The following B4GALT1 variants were observed in gnomAD, a reference collection of about 807,000 sequenced individuals.
The protein encoded by B4GALT1 is beta-1,4-galactosyltransferase 1, also known as N-acetyllactosamine synthase.
A neutral mutation model predicts 34.9 loss-of-function variants in B4GALT1; 16 were observed. The ratio of observed to expected loss-of-function variants is 0.46; its 90% CI spans 0.31 to 0.70. B4GALT1 has a LOEUF of 0.70. B4GALT1 is among the 30% of genes least tolerant of loss of function. B4GALT1 has a pLI of 0.05. For missense variants in B4GALT1, 445 were observed against 530.5 expected, an observed-to-expected ratio of 0.84 and a Z score of 1.58; for synonymous variants, 221 against 218.1, an observed-to-expected ratio of 1.01 and a Z score of -0.12.
intron 2 of B4GALT1, among the ~76,000 whole-genome samples, chr9:33,128,577 C>G (rs1336252299): frequency 6.6e-6 from 1 of 152,138 alleles, no homozygotes; most frequent in Non-Finnish European, 1.5e-5. Context: ...CCTTCCCACT[C>G]CCATTCCCCA....
At chr9:33,116,799 A>G (rs1298143673) in intron 3 of B4GALT1, among the ~76,000 whole-genome samples, 1 of 141,388 alleles carries the variant, frequency 7.1e-6, no homozygotes, top group Non-Finnish European at 1.5e-5. Flanking sequence ...CTGGGATCAC[A>G]GGCAAGAGCC....
Position 33,166,863 on chromosome 9 carries a change from C to A in B4GALT1, c.307G>T (p.Val103Phe). The A allele has an allele frequency of 6.4e-7, 1 of 1,574,122 alleles. No homozygotes were observed. The highest frequency in any genetic ancestry group is 8.6e-7 in the Non-Finnish European group (1 of 1,167,134). ...GCGGGGCCAGGGCCAGAATCCACGA[C>A]TGGGCTGGAGTCGCCACCCGGGCGC... ...QPRPGGDSSP[V>F]VDSGPGPASN... Residue 103 changes from valine to phenylalanine, a missense_variant, in exon 1 of 6, where the codon GTC (valine) becomes TTC (phenylalanine). Val to Phe is a conservative substitution (Grantham distance 50, BLOSUM62 -1). Coordinates refer to ENST00000379731, the MANE Select transcript of B4GALT1 (RefSeq NM_001497.4).
chr9:33,173,591 G>GGTGTGTGTGTGTGTGTGTGTGT, the B4GALT1 span, among the ~76,000 whole-genome samples: 4 of 143,166 alleles, frequency 2.8e-5, no homozygotes, highest in East Asian at 2.1e-4. Context: ...AAATAAGAAT[G>GGTGTGTGTGTGTGTGTGTGTGT]GTGTGTGTGT....
chr9:33,133,331 C>T (rs1356507641), intron 2 of B4GALT1, among the ~76,000 whole-genome samples: 1 of 152,218 alleles, frequency 6.6e-6, no homozygotes, highest in Non-Finnish European at 1.5e-5. Flanking sequence ...ATCCACAGTA[C>T]ATCCCTCATC....
chr9:33,106,099 TTTC>T (rs929525863), downstream of B4GALT1, among the ~76,000 whole-genome samples: 1 of 152,196 alleles, frequency 6.6e-6, no homozygotes, highest in Non-Finnish European at 1.5e-5. Context: ...AGTATTCCAA[TTTC>T]TTCTTTTCTT....
chr9:33,117,772 T>C (rs1455864522), intron 3 of B4GALT1, among the ~76,000 whole-genome samples: 1 of 152,230 alleles, frequency 6.6e-6, no homozygotes, highest in African/African-American at 2.4e-5. Context: ...ATCACTTAGG[T>C]GCTGAGTCAT....
rs758206058 is a variant in B4GALT1, at chr9:33,113,595, A to G, written c.1065-9T>C. On this transcript the variant is annotated splice_polypyrimidine_tract_variant and intron_variant, in intron 5 of 5. Transcript: ENST00000379731. The stretch of plus-strand genomic sequence containing the variant: ...GTGCAATTCGGTCAAACCTACAAGG[A>G]AAAGAGCACAAGGAGATTGTCTTAA... 6.8e-6 allele frequency: 11 copies of G among 1,614,216 alleles called. No individual in the cohort carries two copies. In the Middle Eastern group the frequency reaches 6.6e-4, roughly 97 times the overall value.
intron 4 of B4GALT1, among the ~76,000 whole-genome samples, 155 bp from the exon 5 acceptor site, chr9:33,114,033 C>G (rs1839904843): frequency 6.6e-6 from 1 of 152,202 alleles, no homozygotes; most frequent in African/African-American, 2.4e-5. Flanking sequence ...CCAGCATGAC[C>G]CTGGTTAAAA....
At chr9:33,183,196 T>A in the B4GALT1 span, among the ~76,000 whole-genome samples, 2 of 152,214 alleles carry the variant, frequency 1.3e-5, no homozygotes, top group Admixed American at 1.3e-4. Flanking sequence ...CATCCTTTTT[T>A]CCAGCTTATC....
intron 1 of B4GALT1, among the ~76,000 whole-genome samples, chr9:33,141,986 T>TA (rs1394679139): frequency 1.3e-5 from 2 of 150,056 alleles, no homozygotes; most frequent in East Asian, 3.9e-4. Flanking sequence ...GATTTCTTTC[T>TA]TTTTTTTTTC....
At chr9:33,115,955 G>T in intron 4 of B4GALT1, 36 bp downstream of exon 4, 2 of 1,600,084 alleles carry the variant, frequency 1.2e-6, no homozygotes, top group South Asian at 1.1e-5. Context: ...AGTGAAGGTT[G>T]ACAGAGGAGA....
intron 1 of B4GALT1, among the ~76,000 whole-genome samples, chr9:33,148,453 T>C (rs1840460620): frequency 6.6e-6 from 1 of 152,208 alleles, no homozygotes; most frequent in Admixed American, 6.5e-5. Flanking sequence ...AACATAAACA[T>C]GCTCACACGT....
At chr9:33,114,582 G>C (rs116085182) in intron 4 of B4GALT1, among the ~76,000 whole-genome samples, 46 of 152,298 alleles carry the variant, frequency 3.0e-4, no homozygotes, top group African/African-American at 1.1e-3. Flanking sequence ...GAGGGCTTCA[G>C]AACATGTGGG....
chr9:33,105,880 G>GTTTTTT (rs35330697), downstream of B4GALT1, among the ~76,000 whole-genome samples: 581 of 85,698 alleles, frequency 6.8e-3, 13 homozygotes, highest in East Asian at 0.025. Flanking sequence ...GGACTCGTGG[G>GTTTTTT]TTTTTTTTTT....
intron 4 of B4GALT1, among the ~76,000 whole-genome samples, chr9:33,114,899 G>A (rs1397302196): frequency 6.6e-5 from 10 of 152,222 alleles, no homozygotes; most frequent in African/African-American, 2.2e-4. Flanking sequence ...AGATGCCTGC[G>A]GATGCTCCCT....
chr9:33,113,707 A>G, intron 5 of B4GALT1, 67 bp downstream of exon 5: 1 of 1,607,438 alleles, frequency 6.2e-7, no homozygotes, highest in Non-Finnish European at 8.5e-7. Context: ...CTCTAGGCCC[A>G]GAGCCTCGGA....
At chr9:33,126,577 G>C (rs1329793069) in intron 2 of B4GALT1, among the ~76,000 whole-genome samples, 1 of 28,788 alleles carries the variant, frequency 3.5e-5, no homozygotes, top group Non-Finnish European at 1.2e-4. Flanking sequence ...ACCACACCCA[G>C]CTGGGCTCTA....
chr9:33,120,540 A>G lies in B4GALT1; in HGVS notation c.715T>C (p.Tyr239His). Reference sequence around the variant, plus strand: ...CTAAACACAAAGCAGGTGTAGTCATAGTCCTTCAAGGCTTCTTGAAAGCCA... The same window carrying G: ...CTAAACACAAAGCAGGTGTAGTCATGGTCCTTCAAGGCTTCTTGAAAGCCA... ...NVGFQEALKD[Y>H]DYTCFVFSDV... The change falls in exon 3 of 6, where the codon TAT (tyrosine) becomes CAT (histidine). Residue 239 changes from tyrosine to histidine, a missense_variant. Physicochemically the swap from Tyr to His is moderately conservative, Grantham distance 83. Transcript: ENST00000379731. The G allele has an allele frequency of 1.2e-6, 2 of 1,614,208 alleles. No homozygotes were observed. The highest frequency in any genetic ancestry group is 1.1e-5 in the South Asian group (1 of 91,088).
At chr9:33,178,740 C>T in the B4GALT1 span, among the ~76,000 whole-genome samples, 3 of 152,234 alleles carry the variant, frequency 2.0e-5, no homozygotes, top group African/African-American at 2.4e-5. Flanking sequence ...GAAAGGCCAA[C>T]AGAAGCCTGG....
Sources: allele counts gnomAD v4.1 joint callset (sites outside exome capture counted in the v4.1 genomes callset), GRCh38; gene constraint gnomAD v4.1.1; transcripts MANE v1.5; gene names NCBI Gene and HGNC (gene_info 2026-07-23, HGNC 2026-07-21).